LAPTM4A: variants seen among roughly 807,000 people sequenced by gnomAD.
LAPTM4A encodes the protein lysosomal-associated transmembrane protein 4A.
A neutral mutation model predicts 29.9 loss-of-function variants in LAPTM4A; 19 were observed. The ratio of observed to expected loss-of-function variants is 0.64; its 90% CI spans 0.44 to 0.93. LAPTM4A has a LOEUF of 0.93. LAPTM4A is among the 40% of genes least tolerant of loss of function. LAPTM4A has a pLI of 0.00. For synonymous variants in LAPTM4A, 105 were observed against 102.1 expected (o/e 1.03, Z -0.17); for missense variants, 293 against 288.5 (o/e 1.02, Z -0.11).
intron 3 of LAPTM4A, 35 bp from the exon 4 acceptor site, chr2:20,037,473 C>T: frequency 1.2e-6 from 2 of 1,603,900 alleles, no homozygotes; most frequent in Non-Finnish European, 1.7e-6. Context: ...CATTGTATCA[C>T]ATATAGGAAA....
At chr2:20,042,970 C>T (rs893018820) in intron 1 of LAPTM4A, among the ~76,000 whole-genome samples, 3 of 152,078 alleles carry the variant, frequency 2.0e-5, no homozygotes, top group Admixed American at 1.3e-4. Context: ...GATGGAGTCT[C>T]GCTCTGTCGC....
At chr2:20,047,863 T>A (rs1185477160) in intron 1 of LAPTM4A, among the ~76,000 whole-genome samples, 1 of 152,130 alleles carries the variant, frequency 6.6e-6, no homozygotes, top group Non-Finnish European at 1.5e-5. Context: ...CTTAATAAAA[T>A]TTTTAGAAAG....
At chr2:20,048,905 G>A (rs1673995883) in intron 1 of LAPTM4A, among the ~76,000 whole-genome samples, 1 of 152,186 alleles carries the variant, frequency 6.6e-6, no homozygotes, top group Non-Finnish European at 1.5e-5. Flanking sequence ...TGCATCATAA[G>A]TGTTACATGT....
chr2:20,043,430 G>A (rs1673849563), intron 1 of LAPTM4A, among the ~76,000 whole-genome samples: 1 of 152,056 alleles, frequency 6.6e-6, no homozygotes, highest in African/African-American at 2.4e-5. Context: ...TGGCCAGGCT[G>A]GTCTCAAACT....
chr2:20,041,726 G>C (rs1157517906), intron 1 of LAPTM4A, among the ~76,000 whole-genome samples: 1 of 152,122 alleles, frequency 6.6e-6, no homozygotes, highest in Non-Finnish European at 1.5e-5. Flanking sequence ...GTAGAGACGG[G>C]GTTTCACTAT....
At chr2:20,050,561 G>A (rs1397242081) in intron 1 of LAPTM4A, among the ~76,000 whole-genome samples, 2 of 152,164 alleles carry the variant, frequency 1.3e-5, no homozygotes, top group Non-Finnish European at 1.5e-5. Context: ...AGACAAGTTA[G>A]GTTTAATGTG....
intron 4 of LAPTM4A, among the ~76,000 whole-genome samples, chr2:20,036,317 C>T (rs1673675877): frequency 6.6e-6 from 1 of 152,218 alleles, no homozygotes; most frequent in Admixed American, 6.5e-5. Flanking sequence ...TTATCTGGAA[C>T]ATTGTCTTCT....
intron 1 of LAPTM4A, among the ~76,000 whole-genome samples, chr2:20,049,502 C>T (rs962518341): frequency 5.3e-5 from 8 of 152,164 alleles, no homozygotes; most frequent in Non-Finnish European, 1.0e-4. Flanking sequence ...TAAGAATAAG[C>T]GCCCGTAATG....
chr2:20,035,252 C>T (rs1558383643), intron 4 of LAPTM4A, 190 bp from the exon 5 acceptor site: 2 of 558,452 alleles, frequency 3.6e-6, no homozygotes, highest in African/African-American at 1.9e-5. Flanking sequence ...TGCTAACAAT[C>T]ACTTAGAGTA....
chr2:20,041,733 C>T (rs1181509234), intron 1 of LAPTM4A, among the ~76,000 whole-genome samples: 2 of 152,182 alleles, frequency 1.3e-5, no homozygotes, highest in Non-Finnish European at 2.9e-5. Context: ...CGGGGTTTCA[C>T]TATGTTGGCC....
intron 1 of LAPTM4A, 85 bp downstream of exon 1, chr2:20,051,325 C>CA: frequency 3.7e-6 from 2 of 545,442 alleles, no homozygotes; most frequent in East Asian, 4.8e-5. Context: ...CCCCACCCAA[C>CA]ACCCCGTTTC....
At chr2:20,045,496 C>T (rs1348573545) in intron 1 of LAPTM4A, among the ~76,000 whole-genome samples, 1 of 151,408 alleles carries the variant, frequency 6.6e-6, no homozygotes, top group Non-Finnish European at 1.5e-5. Context: ...AAATTATTAA[C>T]TTCTAAACTT....
rs538734257 is a variant in LAPTM4A at position 20,050,165 on chromosome 2, C to T, written c.111+1245G>A. Among the ~76,000 whole-genome samples the T allele has an allele frequency of 4.6e-5, 7 of 152,244 alleles. No individual in the cohort carries two copies. In the East Asian group the frequency reaches 1.4e-3, roughly 29 times the overall value. Reference sequence around the variant, plus strand: ...ACATTCGTGTTGTTTTTTAAATGTACATCAGAAACAAGACGGTAAAAAACA... The same window carrying T: ...ACATTCGTGTTGTTTTTTAAATGTATATCAGAAACAAGACGGTAAAAAACA... On this transcript the variant is annotated intron_variant, in intron 1 of 6. Transcript: ENST00000175091.
chr2:20,043,784 G>A (rs1215612680), intron 1 of LAPTM4A, among the ~76,000 whole-genome samples: 4 of 152,216 alleles, frequency 2.6e-5, no homozygotes, highest in Non-Finnish European at 5.9e-5. Flanking sequence ...AACAACCCGT[G>A]AAGTAAGTAT....
chr2:20,045,386 A>G (rs1305370215), intron 1 of LAPTM4A, among the ~76,000 whole-genome samples: 1 of 151,936 alleles, frequency 6.6e-6, no homozygotes, highest in Non-Finnish European at 1.5e-5. Flanking sequence ...GGATTGTTTG[A>G]GCCCAGTTCA....
intron 2 of LAPTM4A, among the ~76,000 whole-genome samples, chr2:20,040,585 G>C (rs963928102): frequency 2.0e-5 from 3 of 152,166 alleles, no homozygotes; most frequent in African/African-American, 7.2e-5. Flanking sequence ...CACTGTAATA[G>C]TGTATTTACA....
At chr2:20,045,516 G>A (rs1310371067) in intron 1 of LAPTM4A, among the ~76,000 whole-genome samples, 1 of 152,038 alleles carries the variant, frequency 6.6e-6, no homozygotes, top group East Asian at 1.9e-4. Context: ...TGGCAATATG[G>A]AGAGGTATAG....
chr2:20,051,574 G>T lies in LAPTM4A; in HGVS notation c.-54C>A. On this transcript the variant is annotated 5_prime_UTR_variant, in exon 1 of 7. Coordinates refer to ENST00000175091, the MANE Select transcript of LAPTM4A (RefSeq NM_014713.5). Reference sequence around the variant, plus strand: ...GGCCCCTGACAAACGTTCTCCACCCGCAGCCAAACTCAAACGGCTGTTTCA... The same window carrying T: ...GGCCCCTGACAAACGTTCTCCACCCTCAGCCAAACTCAAACGGCTGTTTCA... 2.6e-6 allele frequency: 3 copies of T among 1,171,170 alleles called. No individual in the cohort carries two copies. Among genetic ancestry groups the T allele is most frequent in the Non-Finnish European group, 2.5e-6 (2 of 813,830 alleles). The allele number at this position is 1,171,170 out of a possible 1,614,324, so 72.5% of individuals were successfully genotyped here.
intron 1 of LAPTM4A, among the ~76,000 whole-genome samples, chr2:20,048,508 T>C (rs1489604909): frequency 6.6e-6 from 1 of 152,192 alleles, no homozygotes; most frequent in South Asian, 2.1e-4. Context: ...TTTTAGTATA[T>C]GGTGTTACGA....
Sources: gnomAD v4.1 joint callset for allele counts (sites outside exome capture counted in the v4.1 genomes callset) on GRCh38, gnomAD v4.1.1 for gene constraint, MANE v1.5 for transcripts, NCBI Gene and HGNC (gene_info 2026-07-23, HGNC 2026-07-21) for gene names.